Variants in RPA3 observed in about 807,000 individuals in gnomAD.
RPA3 encodes the protein replication protein A 14 kDa subunit.
In RPA3, 24 loss-of-function variants were observed where a neutral mutation model predicts 13.7. The ratio of observed to expected loss-of-function variants is 1.75; its 90% CI spans 1.27 to 2.46. The LOEUF (loss-of-function observed/expected upper bound fraction) is 2.46, where lower values mean the gene tolerates loss of function less well. Ranked by LOEUF, RPA3 falls within the 30% of genes most tolerant of loss-of-function variation. The pLI, the probability that RPA3 is intolerant of heterozygous loss-of-function variation, is 0.00. For missense variants in RPA3, 183 were observed against 151.0 expected, an observed-to-expected ratio of 1.21 and a Z score of -1.11; for synonymous variants, 59 against 51.2, an observed-to-expected ratio of 1.15 and a Z score of -0.65.
intron 2 of RPA3, among the ~76,000 whole-genome samples, chr7:7,688,940 A>G (rs1489632180): frequency 6.6e-6 from 1 of 152,168 alleles, no homozygotes; most frequent in Non-Finnish European, 1.5e-5. Flanking sequence ...TAACTTATCT[A>G]TTACTTGGAT....
At chr7:7,643,073 C>A (rs1302937449) in intron 4 of RPA3, among the ~76,000 whole-genome samples, 1 of 152,016 alleles carries the variant, frequency 6.6e-6, no homozygotes, top group African/African-American at 2.4e-5. Flanking sequence ...CCCCAACCCA[C>A]TAGAAATGTT....
chr7:7,641,840 C>T (rs1369762174), intron 4 of RPA3: 1 of 152,190 alleles, frequency 6.6e-6, no homozygotes, highest in African/African-American at 2.4e-5. Context: ...TTTGAGACTT[C>T]ACGTGGCAAT....
intron 2 of RPA3, among the ~76,000 whole-genome samples, chr7:7,705,281 T>C (rs775263301): frequency 2.6e-5 from 4 of 152,240 alleles, no homozygotes; most frequent in Non-Finnish European, 5.9e-5. Flanking sequence ...ATTAAGATTC[T>C]GTTTTGGAAA....
chr7:7,703,192 A>G (rs1780511519), intron 2 of RPA3, among the ~76,000 whole-genome samples: 1 of 152,198 alleles, frequency 6.6e-6, no homozygotes, highest in Non-Finnish European at 1.5e-5. Context: ...TGGTGATTAA[A>G]ATCCACTTGA....
At chr7:7,699,336 T>C in intron 2 of RPA3, among the ~76,000 whole-genome samples, 1 of 152,234 alleles carries the variant, frequency 6.6e-6, no homozygotes, top group Non-Finnish European at 1.5e-5. Context: ...TATTTATGCT[T>C]TAATCACTCA....
rs146375851 is a variant in RPA3, at chr7:7,655,819, GTCTCTC to G, written c.-757-14650_-757-14645del. Among the ~76,000 whole-genome samples the G allele has an allele frequency of 1.1e-4, 16 of 150,290 alleles. 1 individual carries two copies. In the South Asian group the frequency reaches 3.4e-3, roughly 32 times the overall value. ...ATAGTAAGTGTATATATTTAGGACA[GTCTCTC>G]TCTCTCTCTCTCTTTGTTTTTGTTT... On this transcript the variant is annotated intron_variant, in intron 4 of 7. Transcript: ENST00000223129.
At chr7:7,679,801 G>A (rs183448329) in intron 4 of RPA3, among the ~76,000 whole-genome samples, 2 of 150,454 alleles carry the variant, frequency 1.3e-5, no homozygotes, top group East Asian at 3.9e-4. Context: ...TTAGGCTCAA[G>A]CCATCTTCCT....
intron 2 of RPA3, among the ~76,000 whole-genome samples, chr7:7,698,085 C>G (rs558190768): frequency 1.3e-5 from 2 of 152,140 alleles, no homozygotes; most frequent in African/African-American, 4.8e-5. Flanking sequence ...AATATGTTAT[C>G]TGAATCAAAT....
intron 4 of RPA3, among the ~76,000 whole-genome samples, chr7:7,679,784 C>G (rs1035810395): frequency 2.7e-5 from 4 of 149,794 alleles, no homozygotes; most frequent in East Asian, 1.9e-4. Flanking sequence ...AGGCCACTTT[C>G]GAACTCTTAG....
intron 2 of RPA3, among the ~76,000 whole-genome samples, chr7:7,702,427 A>G (rs1196621910): frequency 1.3e-5 from 2 of 152,188 alleles, no homozygotes; most frequent in East Asian, 1.9e-4. Context: ...TCTATGGACT[A>G]TAATACGAAA....
At chr7:7,695,127 C>A (rs1158254732) in intron 2 of RPA3, among the ~76,000 whole-genome samples, 1 of 152,154 alleles carries the variant, frequency 6.6e-6, no homozygotes, top group African/African-American at 2.4e-5. Context: ...TTTGCTTTCT[C>A]TGATGATCAG....
At chr7:7,655,681 A>G (rs1347079454) in intron 4 of RPA3, among the ~76,000 whole-genome samples, 1 of 152,242 alleles carries the variant, frequency 6.6e-6, no homozygotes, top group Admixed American at 6.5e-5. Context: ...GATGCTATAT[A>G]TGTGTATGAT....
At chr7:7,704,725 C>T (rs1780553257) in intron 2 of RPA3, among the ~76,000 whole-genome samples, 1 of 137,846 alleles carries the variant, frequency 7.3e-6, no homozygotes, top group Non-Finnish European at 1.5e-5. Flanking sequence ...TGAGATCGCA[C>T]CACTGTACTC....
chr7:7,653,905 C>T (rs1583696875), intron 4 of RPA3, among the ~76,000 whole-genome samples: 1 of 152,182 alleles, frequency 6.6e-6, no homozygotes, highest in African/African-American at 2.4e-5. Context: ...TAAGGACAGC[C>T]TCCCACAACA....
intron 6 of RPA3, chr7:7,638,801 A>G: frequency 3.2e-6 from 1 of 314,818 alleles, no homozygotes; most frequent in Non-Finnish European, 5.7e-6. Context: ...TTCTTATGTG[A>G]TTTTATGGTC....
At chr7:7,660,987 G>A (rs1785460820) in intron 4 of RPA3, among the ~76,000 whole-genome samples, 1 of 140,304 alleles carries the variant, frequency 7.1e-6, no homozygotes, top group African/African-American at 2.8e-5. Context: ...TTTCTTGGAG[G>A]CTTTGTTCAT....
At chr7:7,706,410 G>A (rs1333954519) in intron 2 of RPA3, among the ~76,000 whole-genome samples, 3 of 152,108 alleles carry the variant, frequency 2.0e-5, no homozygotes, top group African/African-American at 7.2e-5. Flanking sequence ...AATACCAACA[G>A]AGCATGGGAA....
At chr7:7,712,024 G>A (rs1015938404) in intron 2 of RPA3, among the ~76,000 whole-genome samples, 3 of 151,726 alleles carry the variant, frequency 2.0e-5, no homozygotes, top group African/African-American at 7.3e-5. Flanking sequence ...TTTTCTTCAC[G>A]TATCTTCCAA....
chr7:7,705,910 T>A (rs988726008), intron 2 of RPA3, among the ~76,000 whole-genome samples: 3 of 152,100 alleles, frequency 2.0e-5, no homozygotes, highest in African/African-American at 7.2e-5. Flanking sequence ...ATATGGGAAT[T>A]CTCTGTACCT....
Sources: allele counts gnomAD v4.1 joint callset (sites outside exome capture counted in the v4.1 genomes callset), GRCh38; gene constraint gnomAD v4.1.1; transcripts MANE v1.5; gene names NCBI Gene and HGNC (gene_info 2026-07-23, HGNC 2026-07-21).